MRC2: variants seen among roughly 807,000 people sequenced by gnomAD.
MRC2 encodes the protein mannose receptor C-type 2, also known as C-type mannose receptor 2.
MRC2 carries 84 observed loss-of-function variants against 206.2 expected under a neutral mutation model. The ratio of observed to expected loss-of-function variants is 0.41; its 90% CI spans 0.34 to 0.49. MRC2 has a LOEUF of 0.49. Among genes scored for constraint, MRC2 ranks in the 20% least tolerant of loss-of-function variants. The pLI, the probability that MRC2 is intolerant of heterozygous loss-of-function variation, is 0.31. For synonymous variants in MRC2, 798 were observed against 800.0 expected, an observed-to-expected ratio of 1.00 and a Z score of 0.04; for missense variants, 1,676 against 2,001.5, an observed-to-expected ratio of 0.84 and a Z score of 3.10.
rs542965500 is a variant in MRC2 at position 62,639,713 on chromosome 17, C to T, written c.118+11793C>T. Reference sequence around the variant, plus strand: ...AATCATAGTTCACTACAGCCTCAAACTCCTGGGCTTAAGCAATGCTCCCGC... The same window carrying T: ...AATCATAGTTCACTACAGCCTCAAATTCCTGGGCTTAAGCAATGCTCCCGC... On this transcript the variant is annotated intron_variant, in intron 1 of 29. Transcript: ENST00000303375. Among the ~76,000 whole-genome samples, 19 of 152,342 alleles carry T rather than the reference C, an allele frequency of 1.2e-4. 1 individual carries two copies. In the South Asian group the frequency reaches 3.9e-3, roughly 32 times the overall value.
chr17:62,661,630 G>T (rs2088683453), intron 1 of MRC2: 1 of 139,952 alleles, frequency 7.1e-6, no homozygotes. Context: ...CTTAAGACTA[G>T]TAAAGTCAGA....
intron 1 of MRC2, among the ~76,000 whole-genome samples, chr17:62,635,945 G>A (rs1294951172): frequency 6.6e-6 from 1 of 151,812 alleles, no homozygotes; most frequent in Non-Finnish European, 1.5e-5. Context: ...CCGCCACCAC[G>A]CCCGGCTAAT....
At chr17:62,650,057 G>C (rs779372649) in intron 1 of MRC2, among the ~76,000 whole-genome samples, 28 of 152,008 alleles carry the variant, frequency 1.8e-4, no homozygotes, top group Non-Finnish European at 3.7e-4. Context: ...ACCACACCCG[G>C]CTAAGTTTTG....
intron 20 of MRC2, 118 bp downstream of exon 20, chr17:62,682,495 AC>A: frequency 8.2e-7 from 1 of 1,213,578 alleles, no homozygotes; most frequent in Non-Finnish European, 1.1e-6. Flanking sequence ...TCTTGCCTGT[AC>A]CCACCAACTT....
chr17:62,645,469 A>G (rs2088463564), intron 1 of MRC2, among the ~76,000 whole-genome samples: 1 of 143,732 alleles, frequency 7.0e-6, no homozygotes, highest in Non-Finnish European at 1.5e-5. Context: ...GTGTGTATAT[A>G]TACACATAAT....
rs2088565100 is a variant in MRC2 at position 62,652,303 on chromosome 17, G to C, written c.119-12245G>C. Among the ~76,000 whole-genome samples the C allele has an allele frequency of 6.6e-6, 1 of 152,242 alleles. No homozygotes were observed. The highest frequency in any genetic ancestry group is 1.5e-5 in the Non-Finnish European group (1 of 68,042). The stretch of plus-strand genomic sequence containing the variant: ...GGGCAGGCGCACAACACCCCCGCAC[G>C]GAGAAATGAACAGGTGTGGCTCGGC... On this transcript the variant is annotated intron_variant, in intron 1 of 29. Transcript: ENST00000303375. This position sits in a 1 kb window ranked among gnomAD's most constrained non-coding sequence, Gnocchi z 4.6.
At chr17:62,661,998 A>C in intron 1 of MRC2, among the ~76,000 whole-genome samples, 1 of 152,160 alleles carries the variant, frequency 6.6e-6, no homozygotes, top group East Asian at 1.9e-4. Context: ...CTGTAATCCT[A>C]GCACTTTGGG....
chr17:62,678,053 A>C (rs765366186), intron 12 of MRC2, among the ~76,000 whole-genome samples: 2 of 152,144 alleles, frequency 1.3e-5, no homozygotes, highest in Non-Finnish European at 2.9e-5. Context: ...CCGTCTCAAA[A>C]ATAAATAAAT....
At position 62,667,385 on chromosome 17, in the gene MRC2, C is replaced by T; in HGVS notation, c.974-5C>T. The T allele has an allele frequency of 1.3e-6, 2 of 1,593,604 alleles. No homozygotes were observed. Among genetic ancestry groups the T allele is most frequent in the Non-Finnish European group, 1.7e-6 (2 of 1,171,542 alleles). ...GGGGGTGCTGGCGCCCTGCCCTCCC[C>T]ACAGACCAGCCGGACAACCCCAGTG... On this transcript the variant is annotated splice_region_variant and splice_polypyrimidine_tract_variant and intron_variant, in intron 5 of 29. Transcript: ENST00000303375. The surrounding 1 kb of genome is among the most constrained non-coding windows in gnomAD (Gnocchi z 4.1).
At position 62,670,530 on chromosome 17, in the gene MRC2, C is replaced by G. The variant is rs189974147; in HGVS notation, c.1118-1119C>G. ...CTGCCCGACTAGGCAGAATCCTGCC[C>G]GAGCATGACACTGTGGGTGGTTTGG... On this transcript the variant is annotated intron_variant, in intron 6 of 29. Transcript: ENST00000303375. Among the ~76,000 whole-genome samples, 7 of 152,340 alleles carry G rather than the reference C, an allele frequency of 4.6e-5. No homozygotes were observed. The East Asian group carries it at 5.8e-4, about 13-fold the overall frequency.
chr17:62,653,837 G>A (rs920928528), intron 1 of MRC2, among the ~76,000 whole-genome samples: 4 of 152,214 alleles, frequency 2.6e-5, no homozygotes, highest in Middle Eastern at 3.4e-3. Flanking sequence ...AGTTGGGCGG[G>A]GTATTGGGCT....
In MRC2 at chr17:62,692,608, G is replaced by T. The variant is rs2089126589; in HGVS notation, c.*157G>T. On this transcript the variant is annotated 3_prime_UTR_variant, in exon 30 of 30. Transcript: ENST00000303375. This position sits in a 1 kb window ranked among gnomAD's most constrained non-coding sequence, Gnocchi z 4.2. ...GGAGCTGGGCAGAGCCTGGGCTGGT[G>T]GGGTGCCACCCTCCCACAAGGGCTG... 2.1e-5 allele frequency: 16 copies of T among 746,134 alleles called. No individual in the cohort carries two copies. The South Asian group carries it at 2.7e-4, about 13-fold the overall frequency. 46.2% of individuals were successfully genotyped at this position (746,134 alleles called of 1,614,324 possible).
chr17:62,667,521 C>G lies in MRC2; in HGVS notation c.1105C>G (p.Pro369Ala). ...GAAGAAGCCCAACGCCACGGCCGAG[C>G]CCACCCCTCCAGGTGAGCCAGGGAC... is the stretch of plus-strand genomic sequence containing the variant. Reference protein sequence around the residue: ...CKKKPNATAEPTPPDRWANVK... With the variant: ...CKKKPNATAEATPPDRWANVK... Residue 369 changes from proline (P) to alanine (A), a missense_variant, in exon 6 of 30, where the codon CCC (proline) becomes GCC (alanine). This residue lies in a region of MRC2 where 1,354 missense variants were observed against 1,636.6 expected (regional missense o/e 0.83). Transcript: ENST00000303375. The surrounding 1 kb of genome is among the most constrained non-coding windows in gnomAD (Gnocchi z 4.1). 1 of 1,610,184 alleles carries G rather than the reference C, an allele frequency of 6.2e-7. No individual in the cohort carries two copies. The highest frequency in any genetic ancestry group is 8.5e-7 in the Non-Finnish European group (1 of 1,179,108).
intron 26 of MRC2, 121 bp downstream of exon 26, chr17:62,690,426 G>T: frequency 7.1e-7 from 1 of 1,398,718 alleles, no homozygotes; most frequent in South Asian, 1.4e-5. Context: ...TACACAAGAT[G>T]CCCTCGTGCT....
At position 62,667,744 on chromosome 17, in the gene MRC2, G is replaced by A. The variant is rs2088776064; in HGVS notation, c.1117+211G>A. 6.6e-6 allele frequency among the ~76,000 whole-genome samples: 1 copy of A among 152,246 alleles called. No homozygotes were observed. Among genetic ancestry groups the A allele is most frequent in the Non-Finnish European group, 1.5e-5 (1 of 68,044 alleles). On this transcript the variant is annotated intron_variant, in intron 6 of 29. Transcript: ENST00000303375. The surrounding 1 kb of genome is among the most constrained non-coding windows in gnomAD (Gnocchi z 4.1). ...TTGGGGAACATGTGCTGAGATCTGT[G>A]TTAAATGCTGGCAATACCCACTGTT...
At chr17:62,662,398 G>A (rs140649113) in intron 1 of MRC2, among the ~76,000 whole-genome samples, 1 of 152,124 alleles carries the variant, frequency 6.6e-6, no homozygotes, top group African/African-American at 2.4e-5. Flanking sequence ...ACAATCTTAC[G>A]ACTCTTGTCA....
chr17:62,685,997 A>G (rs1412168802), intron 20 of MRC2, among the ~76,000 whole-genome samples: 1 of 152,210 alleles, frequency 6.6e-6, no homozygotes, highest in Non-Finnish European at 1.5e-5. Context: ...TTTTGGCACC[A>G]GGGACTGGTT....
intron 20 of MRC2, among the ~76,000 whole-genome samples, chr17:62,686,351 G>A (rs2089031905): frequency 6.6e-6 from 1 of 152,160 alleles, no homozygotes; most frequent in Non-Finnish European, 1.5e-5. Flanking sequence ...TACTCGGGAG[G>A]CTGAGGCAGG....
intron 20 of MRC2, among the ~76,000 whole-genome samples, chr17:62,687,236 C>A (rs576277482): frequency 1.3e-5 from 2 of 152,314 alleles, no homozygotes; most frequent in South Asian, 4.1e-4. Context: ...TCTCAGCTCA[C>A]TGCAACCTCC....
Sources: gnomAD v4.1 joint callset for allele counts (sites outside exome capture counted in the v4.1 genomes callset) on GRCh38, gnomAD v4.1.1 for gene constraint, gnomAD v4.1.1 regional missense constraint, Gnocchi (gnomAD v3.1) non-coding constraint, MANE v1.5 for transcripts, NCBI Gene and HGNC (gene_info 2026-07-23, HGNC 2026-07-21) for gene names.